Variants in KMT2B observed in about 807,000 individuals in gnomAD.
KMT2B encodes lysine methyltransferase 2B.
In KMT2B, 22 loss-of-function variants were observed where a neutral mutation model predicts 255.3. The ratio of observed to expected loss-of-function variants is 0.09; its 90% CI spans 0.06 to 0.12. The LOEUF (loss-of-function observed/expected upper bound fraction) is 0.12. KMT2B is among the 10% of genes least tolerant of loss of function. KMT2B has a pLI of 1.00. For missense variants in KMT2B, 3,149 were observed against 3,737.0 expected (o/e 0.84, Z 4.10); for synonymous variants, 1,730 against 1,498.1 (o/e 1.15, Z -3.57).
At chr19:35,734,006 T>TA in intron 30 of KMT2B, 134 bp downstream of exon 30, 1 of 635,902 alleles carries the variant, frequency 1.6e-6, no homozygotes, top group East Asian at 2.8e-5. Context: ...GTGCTAGAGT[T>TA]AGAGATGACC....
Position 35,725,212 on chromosome 19 carries a change from TC to T in KMT2B, c.3529-3del. 1 of 1,610,040 alleles carries T rather than the reference TC, an allele frequency of 6.2e-7. No individual in the cohort carries two copies. The highest frequency in any genetic ancestry group is 2.2e-5 in the East Asian group (1 of 44,840). On this transcript the variant is annotated splice_region_variant and splice_polypyrimidine_tract_variant and intron_variant, in intron 10 of 36. Transcript: ENST00000420124. The surrounding 1 kb of genome is among the most constrained non-coding windows in gnomAD (Gnocchi z 4.1). ...GGCCCTCTGATCCTGCATCCTCTCT[TC>T]CCCCAGGAGGATTGTGATTTAGAGA...
In KMT2B at chr19:35,730,809, T is replaced by C. The variant is rs1969660593; in HGVS notation, c.5379T>C (p.Ala1793=). 6.2e-7 allele frequency: 1 copy of C among 1,613,602 alleles called. No individual in the cohort carries two copies. The highest frequency in any genetic ancestry group is 8.5e-7 in the Non-Finnish European group (1 of 1,179,764). ...CATGGGGGCCGAGGGAAGAGCCAGC[T>C]CACCTGGAGGCTGCAGAGGAGAACC... The part of the protein sequence containing the change: ...YRPWGPREEP[A]HLEAAEENQT... The change falls in exon 26 of 37, where the codon GCT becomes GCC. Residue 1793 remains alanine (A), a synonymous_variant. Transcript: ENST00000420124.
At position 35,731,903 on chromosome 19, in the gene KMT2B, T is replaced by C; in HGVS notation, c.5438-5T>C. 2 of 1,610,916 alleles carry C rather than the reference T, an allele frequency of 1.2e-6. No individual in the cohort carries two copies. Among genetic ancestry groups the C allele is most frequent in the Non-Finnish European group, 1.7e-6 (2 of 1,177,272 alleles). The stretch of plus-strand genomic sequence containing the variant: ...CCACCCCAATGCCATTTCTCGCCTC[T>C]TCAGAGCCCCCAGGTGGTGAGGACC... On this transcript the variant is annotated splice_polypyrimidine_tract_variant and splice_region_variant and intron_variant, in intron 26 of 36. Coordinates refer to ENST00000420124, the MANE Select transcript of KMT2B (RefSeq NM_014727.3).
rs1227222499 is a variant in KMT2B at position 35,720,475 on chromosome 19, G to A, written c.1128G>A (p.Lys376=). The change falls in exon 3 of 37, where the codon AAG becomes AAA. Residue 376 remains lysine (K), a synonymous_variant. Coordinates refer to ENST00000420124, the MANE Select transcript of KMT2B (RefSeq NM_014727.3). ...AGAAAGAAGAAGAAGAAAAAGACAA[G>A]GAGGGAGAAGAGAAGGAAGAAAGAG... The part of the protein sequence containing the change: ...EEKKEEEEKD[K]EGEEKEERAV... The A allele has an allele frequency of 1.4e-6, 2 of 1,447,102 alleles. No homozygotes were observed. Among genetic ancestry groups the A allele is most frequent in the African/African-American group, 2.8e-5 (2 of 72,186 alleles). 89.6% of individuals were successfully genotyped at this position (1,447,102 alleles called of 1,614,324 possible). A position where few individuals can be genotyped will look rare whatever the true frequency, so the allele number is the denominator to read the frequency against.
intron 30 of KMT2B, among the ~76,000 whole-genome samples, chr19:35,734,986 C>T (rs1003735106): frequency 6.6e-6 from 1 of 152,148 alleles, no homozygotes; most frequent in Non-Finnish European, 1.5e-5. Context: ...AGGGATCAGA[C>T]CACATTTTGG....
chr19:35,723,820 G>A lies in KMT2B; in HGVS notation c.3147G>A (p.Ala1049=), dbSNP rs201599511. 7 of 1,592,792 alleles carry A rather than the reference G, an allele frequency of 4.4e-6. No homozygotes were observed. Among genetic ancestry groups the A allele is most frequent in the African/African-American group, 2.7e-5 (2 of 74,406 alleles). Residue 1049 remains alanine (A), a synonymous_variant, in exon 8 of 37, where the codon GCG becomes GCA. Coordinates refer to ENST00000420124, the MANE Select transcript of KMT2B (RefSeq NM_014727.3). The surrounding 1 kb of genome is among the most constrained non-coding windows in gnomAD (Gnocchi z 7.5). ...SPGPPGPRRG[A]GAGGPREEVV... is the part of the protein sequence containing the mutation. The stretch of plus-strand genomic sequence containing the variant: ...GTCCTCCAGGCCCACGCCGGGGGGC[G>A]GGAGCTGGGGGGCCCCGGGAGGAGG...
rs1275015530 is a variant in KMT2B, at chr19:35,732,641, C to T, written c.6092C>T (p.Thr2031Ile). Residue 2031 changes from threonine to isoleucine, a missense_variant, in exon 28 of 37, where the codon ACC becomes ATC. By Grantham distance (89) the Thr-to-Ile change is moderately conservative. This residue lies in a region of KMT2B where 897 missense variants were observed against 825.3 expected (regional missense o/e 1.09). Coordinates refer to ENST00000420124, the MANE Select transcript of KMT2B (RefSeq NM_014727.3). ...GDSSEEESSP[T>I]SRYIHFPVTV... ...AGCTCCGAGGAGGAGTCCAGCCCCA[C>T]CTCCCGCTACATCCACTTCCCTGTG... is the stretch of plus-strand genomic sequence containing the variant. 1.9e-6 allele frequency: 3 copies of T among 1,610,660 alleles called. No individual in the cohort carries two copies. The highest frequency in any genetic ancestry group is 1.7e-6 in the Non-Finnish European group (2 of 1,178,664).
At position 35,723,965 on chromosome 19, in the gene KMT2B, G is replaced by A. The variant is rs768047932; in HGVS notation, c.3292G>A (p.Gly1098Arg). Reference protein sequence around the residue: ...IFEDSDDSEPGGPPAPRRRTP... With the variant: ...IFEDSDDSEPRGPPAPRRRTP... ...CGAGGATTCGGATGACTCGGAGCCC[G>A]GGGGCCCCCCTGCTCCTCGGCGTCG... The change falls in exon 8 of 37, where the codon GGG becomes AGG. Residue 1098 changes from glycine to arginine, a missense_variant. Around this residue, in one of 18 missense-constraint regions of KMT2B, gnomAD observed 136 missense variants for 137.3 expected, o/e 0.99. Coordinates refer to ENST00000420124, the MANE Select transcript of KMT2B (RefSeq NM_014727.3). This position sits in a 1 kb window ranked among gnomAD's most constrained non-coding sequence, Gnocchi z 7.5. 2.4e-5 allele frequency: 39 copies of A among 1,604,822 alleles called. No homozygotes were observed. The highest frequency in any genetic ancestry group is 1.5e-4 in the South Asian group (14 of 90,590).
Position 35,721,133 on chromosome 19 carries a change from C to T in KMT2B, c.1786C>T (p.Leu596Phe), listed in dbSNP as rs780597908. ...APTPPSTPVP[L>F]PEKRRSILRE... ...AACTCCTCCATCTACCCCAGTTCCACTCCCTGAGAAGAGACGGTCCATCCT... is the reference window on the plus strand; with the variant it reads ...AACTCCTCCATCTACCCCAGTTCCATTCCCTGAGAAGAGACGGTCCATCCT... The change falls in exon 3 of 37, where the codon CTC (leucine) becomes TTC (phenylalanine). Residue 596 changes from leucine (L) to phenylalanine (F), a missense_variant. Physicochemically the swap from Leu to Phe is conservative, Grantham distance 22. Coordinates refer to ENST00000420124, the MANE Select transcript of KMT2B (RefSeq NM_014727.3). 32 of 1,606,544 alleles carry T rather than the reference C, an allele frequency of 2.0e-5. No homozygotes were observed. The Admixed American group carries it at 5.4e-4, about 27-fold the overall frequency.
chr19:35,733,816 A>G lies in KMT2B; in HGVS notation c.7103A>G (p.Gln2368Arg), dbSNP rs1218048063. 1 of 1,613,648 alleles carries G rather than the reference A, an allele frequency of 6.2e-7. No individual in the cohort carries two copies. Among genetic ancestry groups the G allele is most frequent in the Admixed American group, 1.7e-5 (1 of 59,994 alleles). ...LLPLPEDGPP[Q>R]VPDGPPDLLL... ...CCACTTCCGGAAGATGGTCCTCCCC[A>G]GGTCCCCGATGGTCCCCCAGACCTG... Residue 2368 changes from glutamine (Q) to arginine (R), a missense_variant, in exon 30 of 37, where the codon CAG becomes CGG. Gln to Arg is a conservative substitution (Grantham distance 43). Coordinates refer to ENST00000420124, the MANE Select transcript of KMT2B (RefSeq NM_014727.3). The surrounding 1 kb of genome is among the most constrained non-coding windows in gnomAD (Gnocchi z 4.3).
chr19:35,736,561 A>T, intron 30 of KMT2B, 129 bp from the exon 31 acceptor site: 1 of 1,105,656 alleles, frequency 9.0e-7, no homozygotes, highest in Non-Finnish European at 1.3e-6. Context: ...AAGGAGGGCC[A>T]TTAGACCCTA....
At position 35,737,312 on chromosome 19, in the gene KMT2B, C is replaced by T; in HGVS notation, c.7550+49C>T. ...CTGGGTCAGGGCGCCCCTATGAGAG[C>T]TCTTGAGGGTGGGAGTTAACTGTAG... On this transcript the variant is annotated intron_variant, in intron 33 of 36. Coordinates refer to ENST00000420124, the MANE Select transcript of KMT2B (RefSeq NM_014727.3). This position sits in a 1 kb window ranked among gnomAD's most constrained non-coding sequence, Gnocchi z 5.3. 1.4e-6 allele frequency: 2 copies of T among 1,445,914 alleles called. No homozygotes were observed. The highest frequency in any genetic ancestry group is 1.5e-5 in the South Asian group (1 of 68,444). 89.6% of individuals were successfully genotyped at this position (1,445,914 alleles called of 1,614,324 possible). A position where few individuals can be genotyped will look rare whatever the true frequency, so the allele number is the denominator to read the frequency against.
Position 35,722,571 on chromosome 19 carries a change from C to T in KMT2B, c.2575C>T (p.Pro859Ser). 2 of 1,604,102 alleles carry T rather than the reference C, an allele frequency of 1.2e-6. No individual in the cohort carries two copies. Residue 859 changes from proline to serine, a missense_variant, in exon 5 of 37, where the codon CCC (proline) becomes TCC (serine). Pro to Ser is a moderately conservative substitution (Grantham distance 74). This residue lies in a region of KMT2B where 1,188 missense variants were observed against 1,106.4 expected (regional missense o/e 1.07). Transcript: ENST00000420124. ...CACACTCCGATTTCTCCCCCAGGGT[C>T]CCGAGTCCCCTGTGCAAGGTCCCCG... ...VEAKRERPSG[P>S]ESPVQGPRIK...
chr19:35,729,960 T>C lies in KMT2B; in HGVS notation c.4918-7T>C, dbSNP rs764374524. The C allele has an allele frequency of 8.1e-6, 13 of 1,610,744 alleles. No individual in the cohort carries two copies. In the East Asian group the frequency reaches 2.9e-4, roughly 36 times the overall value. On this transcript the variant is annotated splice_region_variant and splice_polypyrimidine_tract_variant and intron_variant, in intron 22 of 36. Transcript: ENST00000420124. The stretch of plus-strand genomic sequence containing the variant: ...GCTTCTCCCCTGAGCTGCCCTCCCC[T>C]ACGCAGCGCTGCGAGCTCTGCCTGA...
intron 22 of KMT2B, 114 bp downstream of exon 22, chr19:35,729,410 T>C (rs557483561): frequency 7.3e-7 from 1 of 1,377,210 alleles, no homozygotes; most frequent in South Asian, 1.3e-5. Context: ...ACTGCCAGGC[T>C]GAGGTCTCTT....
intron 1 of KMT2B, among the ~76,000 whole-genome samples, chr19:35,719,239 G>C (rs1378685278): frequency 6.6e-6 from 1 of 152,194 alleles, no homozygotes; most frequent in South Asian, 2.1e-4. Context: ...GGCTTTGGCT[G>C]TGCTGGTGTG....
In KMT2B at chr19:35,737,078, C is replaced by T. The variant is rs754815951; in HGVS notation, c.7373-8C>T. 5.0e-6 allele frequency: 8 copies of T among 1,610,424 alleles called. No homozygotes were observed. Among genetic ancestry groups the T allele is most frequent in the South Asian group, 1.1e-5 (1 of 90,652 alleles). ...CATGACAGGTGTGTCCTCAACATCT[C>T]CCCTCAGGAATGAGTGGGGCGAGAC... On this transcript the variant is annotated splice_region_variant and splice_polypyrimidine_tract_variant and intron_variant, in intron 32 of 36. Transcript: ENST00000420124. This position sits in a 1 kb window ranked among gnomAD's most constrained non-coding sequence, Gnocchi z 5.3.
Position 35,727,380 on chromosome 19 carries a change from G to T in KMT2B, c.4118-58G>T. 2 of 1,598,312 alleles carry T rather than the reference G, an allele frequency of 1.3e-6. No homozygotes were observed. The highest frequency in any genetic ancestry group is 3.3e-5 in the Admixed American group (2 of 60,020). On this transcript the variant is annotated intron_variant, in intron 15 of 36. Coordinates refer to ENST00000420124, the MANE Select transcript of KMT2B (RefSeq NM_014727.3). The surrounding 1 kb of genome is among the most constrained non-coding windows in gnomAD (Gnocchi z 4.2). ...AAGGGTCCTTGCTGGCCTAGGGGCT[G>T]CTGGGAGCCCTCACATCCTCTGAAA...
rs1299531345 is a variant in KMT2B, at chr19:35,719,518, G to A, written c.413G>A (p.Arg138His). Residue 138 changes from arginine (R) to histidine (H), a missense_variant, in exon 2 of 37, where the codon CGC (arginine) becomes CAC (histidine). This residue lies in a region of KMT2B where 1,188 missense variants were observed against 1,106.4 expected (regional missense o/e 1.07). Transcript: ENST00000420124. ...GAAGATGTGGCCCCCAGTTCCCTGCGCTCTGCGCTCCGATCCCAGCGAGGT... is the reference window on the plus strand; with the variant it reads ...GAAGATGTGGCCCCCAGTTCCCTGCACTCTGCGCTCCGATCCCAGCGAGGT... ...SDEDVAPSSL[R>H]SALRSQRGRA... 3 of 1,592,166 alleles carry A rather than the reference G, an allele frequency of 1.9e-6. No individual in the cohort carries two copies. Among genetic ancestry groups the A allele is most frequent in the South Asian group, 1.1e-5 (1 of 87,742 alleles).
Sources: allele counts gnomAD v4.1 joint callset (sites outside exome capture counted in the v4.1 genomes callset), GRCh38; gene constraint gnomAD v4.1.1; regional missense constraint gnomAD v4.1.1; non-coding constraint Gnocchi (gnomAD v3.1); transcripts MANE v1.5; gene names NCBI Gene and HGNC (gene_info 2026-07-23, HGNC 2026-07-21).